Variants in MYT1L observed in about 807,000 individuals in gnomAD.
MYT1L encodes myelin transcription factor 1-like protein.
A neutral mutation model predicts 126.7 loss-of-function variants in MYT1L; 12 were observed. The observed-to-expected ratio is 0.09, with a 90% CI of 0.06 to 0.15. The LOEUF is 0.15. MYT1L is among the 10% of genes least tolerant of loss of function. MYT1L has a pLI of 1.00. For synonymous variants in MYT1L, 541 were observed against 604.2 expected, an observed-to-expected ratio of 0.90 and a Z score of 1.53; for missense variants, 979 against 1,585.2, an observed-to-expected ratio of 0.62 and a Z score of 6.49.
intron 11 of MYT1L, among the ~76,000 whole-genome samples, chr2:1,916,840 C>A (rs2052912271): frequency 6.6e-6 from 1 of 152,194 alleles, no homozygotes; most frequent in Admixed American, 6.5e-5. Context: ...GGATTCCTGG[C>A]AGTTTCATGC....
At chr2:2,082,832 C>A (rs1345508306) in intron 3 of MYT1L, among the ~76,000 whole-genome samples, 1 of 152,194 alleles carries the variant, frequency 6.6e-6, no homozygotes, top group African/African-American at 2.4e-5. Context: ...CTGGTCAGCA[C>A]AAACACCATA....
intron 2 of MYT1L, among the ~76,000 whole-genome samples, chr2:2,241,631 G>A (rs1353246787): frequency 6.6e-6 from 1 of 152,140 alleles, no homozygotes; most frequent in African/African-American, 2.4e-5. Flanking sequence ...TTTGTTTTTT[G>A]TTTTTGGATT....
At chr2:2,031,696 G>A (rs576702188) in intron 4 of MYT1L, among the ~76,000 whole-genome samples, 3 of 139,664 alleles carry the variant, frequency 2.1e-5, no homozygotes, top group East Asian at 4.5e-4. Context: ...TCTAGAAGGA[G>A]GGCCTTATAC....
intron 2 of MYT1L, among the ~76,000 whole-genome samples, chr2:2,177,181 G>A (rs1000512066): frequency 2.6e-5 from 4 of 152,188 alleles, no homozygotes; most frequent in Non-Finnish European, 2.9e-5. Context: ...TTGTTGTGTC[G>A]GGAATTTGGC....
chr2:2,136,215 T>C (rs574282851), intron 3 of MYT1L, among the ~76,000 whole-genome samples: 2 of 152,134 alleles, frequency 1.3e-5, no homozygotes, highest in South Asian at 4.2e-4. Context: ...GGAGAGAAAA[T>C]GGTTCATCTC....
In MYT1L at chr2:1,801,732, G is replaced by A; in HGVS notation, c.3240C>T (p.Ser1080=). ...GTTTAATCATATCGGCTTCCATCTG[G>A]GAATTGGATTCATTTAGCTCCTTGA... ...EEIKELNESN[S]QMEADMIKLR... is the part of the protein sequence containing the mutation. Residue 1080 remains serine (S), a synonymous_variant, in exon 23 of 25, where the codon TCC becomes TCT. Transcript: ENST00000647738. This position sits in a 1 kb window ranked among gnomAD's most constrained non-coding sequence, Gnocchi z 4.2. The A allele has an allele frequency of 6.2e-7, 1 of 1,611,546 alleles. No individual in the cohort carries two copies. The highest frequency in any genetic ancestry group is 8.5e-7 in the Non-Finnish European group (1 of 1,179,068).
chr2:2,205,736 C>G (rs1360854304), intron 2 of MYT1L, among the ~76,000 whole-genome samples: 1 of 152,120 alleles, frequency 6.6e-6, no homozygotes, highest in East Asian at 1.9e-4. Context: ...CCACCTAGAG[C>G]AATGCTACAG....
At chr2:1,882,972 C>G (rs2047749139) in intron 18 of MYT1L, among the ~76,000 whole-genome samples, 1 of 152,154 alleles carries the variant, frequency 6.6e-6, no homozygotes, top group East Asian at 1.9e-4. Flanking sequence ...CCTGTATGCT[C>G]AAGCTGAAAA....
intron 13 of MYT1L, among the ~76,000 whole-genome samples, chr2:1,904,990 G>A (rs1298139934): frequency 1.3e-5 from 2 of 151,730 alleles, no homozygotes; most frequent in Non-Finnish European, 2.9e-5. Context: ...TAGAGACGGG[G>A]TTTCACCATG....
intron 3 of MYT1L, among the ~76,000 whole-genome samples, chr2:2,110,455 A>G (rs905747795): frequency 6.6e-6 from 1 of 151,900 alleles, no homozygotes; most frequent in Non-Finnish European, 1.5e-5. Flanking sequence ...ACTTCAGAAT[A>G]ACCTCCAAGT....
chr2:2,305,841 A>T (rs1319450858), intron 1 of MYT1L: 1 of 152,158 alleles, frequency 6.6e-6, no homozygotes, highest in Non-Finnish European at 1.5e-5. Context: ...CAAGGGAGAA[A>T]CTGCCCCCAT....
chr2:2,067,532 C>T (rs575231414), intron 3 of MYT1L, among the ~76,000 whole-genome samples: 2 of 152,134 alleles, frequency 1.3e-5, no homozygotes, highest in Non-Finnish European at 2.9e-5. Context: ...TTGATACCAA[C>T]CTGGATAACA....
At chr2:2,190,753 G>T (rs1366796516) in intron 2 of MYT1L, among the ~76,000 whole-genome samples, 3 of 152,128 alleles carry the variant, frequency 2.0e-5, no homozygotes, top group Non-Finnish European at 4.4e-5. Context: ...TGACTCTTCT[G>T]CCATGATCAA....
chr2:1,853,539 A>G (rs952239384), intron 18 of MYT1L, among the ~76,000 whole-genome samples: 3 of 152,264 alleles, frequency 2.0e-5, no homozygotes, highest in African/African-American at 4.8e-5. Flanking sequence ...ATATGCTTAC[A>G]TAGGAAGACA....
intron 4 of MYT1L, among the ~76,000 whole-genome samples, chr2:2,023,634 T>C (rs916793492): frequency 1.6e-4 from 24 of 151,836 alleles, no homozygotes; most frequent in African/African-American, 5.6e-4. Context: ...TTTTTTTTTT[T>C]TTCAAACAAC....
At chr2:2,017,904 A>C (rs2064601680) in intron 4 of MYT1L, among the ~76,000 whole-genome samples, 1 of 152,138 alleles carries the variant, frequency 6.6e-6, no homozygotes, top group African/African-American at 2.4e-5. Flanking sequence ...TGTTGTTTTT[A>C]TTTAAGTACC....
chr2:2,060,743 C>T (rs1310155696), intron 3 of MYT1L, among the ~76,000 whole-genome samples: 2 of 130,096 alleles, frequency 1.5e-5, no homozygotes, highest in Non-Finnish European at 3.2e-5. Context: ...TCCCTCCCTC[C>T]CATCTTTGCC....
intron 1 of MYT1L, among the ~76,000 whole-genome samples, chr2:2,302,718 G>A (rs1278535863): frequency 6.6e-6 from 1 of 152,120 alleles, no homozygotes; most frequent in East Asian, 1.9e-4. Context: ...GAATTTAAAT[G>A]GGCTCTTTTG....
At chr2:2,131,079 C>T (rs560803216) in intron 3 of MYT1L, among the ~76,000 whole-genome samples, 3 of 152,108 alleles carry the variant, frequency 2.0e-5, no homozygotes, top group African/African-American at 4.8e-5. Flanking sequence ...GAAGTAGAGA[C>T]GGGATGGTCT....
Sources: gnomAD v4.1 joint callset for allele counts (sites outside exome capture counted in the v4.1 genomes callset) on GRCh38, gnomAD v4.1.1 for gene constraint, Gnocchi (gnomAD v3.1) non-coding constraint, MANE v1.5 for transcripts, NCBI Gene and HGNC (gene_info 2026-07-23, HGNC 2026-07-21) for gene names.